The following TAF3 variants were observed in gnomAD, a reference collection of about 807,000 sequenced individuals.
TAF3 encodes the protein TATA-box binding protein associated factor 3, also known as transcription initiation factor TFIID subunit 3.
TAF3 carries 7 observed loss-of-function variants against 80.6 expected under a neutral mutation model. That is an observed-to-expected ratio of 0.09 (90% confidence interval 0.05 to 0.16). The LOEUF (loss-of-function observed/expected upper bound fraction) is 0.16, where lower values mean the gene tolerates loss of function less well. TAF3 is among the 10% of genes least tolerant of loss of function. TAF3 has a pLI of 1.00. For synonymous variants in TAF3, 444 were observed against 446.1 expected (o/e 1.00, Z 0.06); for missense variants, 921 against 1,140.2 (o/e 0.81, Z 2.77).
chr10:7,932,172 GA>G (rs1837874738), intron 2 of TAF3, among the ~76,000 whole-genome samples: 1 of 152,108 alleles, frequency 6.6e-6, no homozygotes, highest in African/African-American at 2.4e-5. Context: ...AAAAGGAGGT[GA>G]ACATGCTACC....
chr10:7,877,939 G>C (rs754596841), intron 2 of TAF3, among the ~76,000 whole-genome samples: 1 of 152,130 alleles, frequency 6.6e-6, no homozygotes, highest in Non-Finnish European at 1.5e-5. Flanking sequence ...AAATACATTG[G>C]AGCTAATGTT....
intron 2 of TAF3, among the ~76,000 whole-genome samples, chr10:7,847,299 AT>A (rs1202554986): frequency 6.6e-6 from 1 of 152,238 alleles, no homozygotes; most frequent in Non-Finnish European, 1.5e-5. Context: ...ATGGTCTCTC[AT>A]CTAGTCATTC....
chr10:7,943,127 G>C (rs1303024860), intron 2 of TAF3, among the ~76,000 whole-genome samples: 1 of 152,174 alleles, frequency 6.6e-6, no homozygotes, highest in African/African-American at 2.4e-5. Context: ...CAATCCTGTG[G>C]TTCCGGTTCC....
At position 7,856,126 on chromosome 10, in the gene TAF3, A is replaced by T. The variant is rs987855005; in HGVS notation, c.409+31566A>T. Among the ~76,000 whole-genome samples the T allele has an allele frequency of 2.6e-5, 4 of 152,096 alleles. No individual in the cohort carries two copies. In the East Asian group the frequency reaches 5.8e-4, roughly 22 times the overall value. On this transcript the variant is annotated intron_variant, in intron 2 of 6. Transcript: ENST00000344293. ...GAAATGGGAAATCATGGCAGCAGAA[A>T]TTTTTTTAAAATGCAGTCGAGAACT...
intron 2 of TAF3, among the ~76,000 whole-genome samples, chr10:7,924,030 T>C (rs1365582062): frequency 6.6e-6 from 1 of 152,186 alleles, no homozygotes; most frequent in Non-Finnish European, 1.5e-5. Flanking sequence ...GTTGACAGTA[T>C]TTAGGCCATC....
chr10:7,955,742 CCTT>C (rs112064731), intron 2 of TAF3, among the ~76,000 whole-genome samples: 2 of 152,228 alleles, frequency 1.3e-5, no homozygotes, highest in African/African-American at 4.8e-5. Context: ...GTGTGTCAGA[CCTT>C]ATTGCCTTGT....
chr10:7,968,974 C>T (rs1831597825), intron 3 of TAF3, among the ~76,000 whole-genome samples: 1 of 152,150 alleles, frequency 6.6e-6, no homozygotes, highest in African/African-American at 2.4e-5. Context: ...GGACTCTAGA[C>T]TGTCACTTAT....
At chr10:7,979,738 A>G (rs1831707987) in intron 4 of TAF3, among the ~76,000 whole-genome samples, 1 of 152,046 alleles carries the variant, frequency 6.6e-6, no homozygotes, top group African/African-American at 2.4e-5. Flanking sequence ...ATAGAGCGAG[A>G]AAGAAAGAGG....
At chr10:7,856,924 G>A (rs1837086552) in intron 2 of TAF3, among the ~76,000 whole-genome samples, 1 of 146,780 alleles carries the variant, frequency 6.8e-6, no homozygotes, top group Admixed American at 6.8e-5. Flanking sequence ...ACATAAAAAT[G>A]TGTAGTAAAA....
intron 2 of TAF3, among the ~76,000 whole-genome samples, chr10:7,923,854 G>A (rs567898870): frequency 6.6e-6 from 1 of 152,254 alleles, no homozygotes; most frequent in African/African-American, 2.4e-5. Flanking sequence ...AGCAAGGCAA[G>A]ATATCTTAAG....
intron 2 of TAF3, among the ~76,000 whole-genome samples, chr10:7,890,157 C>T (rs1039986549): frequency 6.6e-6 from 1 of 152,176 alleles, no homozygotes; most frequent in Non-Finnish European, 1.5e-5. Context: ...TCTTTTTCAC[C>T]AGACTGCAGC....
At chr10:7,953,839 C>T (rs546114974) in intron 2 of TAF3, among the ~76,000 whole-genome samples, 69 of 151,160 alleles carry the variant, frequency 4.6e-4, no homozygotes, top group African/African-American at 1.6e-3. Flanking sequence ...CAAGAGTGCA[C>T]GCCATAGGCA....
intron 3 of TAF3, among the ~76,000 whole-genome samples, chr10:7,976,123 G>T: frequency 6.6e-6 from 1 of 152,160 alleles, no homozygotes; most frequent in East Asian, 1.9e-4. Context: ...ATCAGACTTA[G>T]TTTCTGTGTT....
At chr10:7,866,175 G>A (rs1837212916) in intron 2 of TAF3, among the ~76,000 whole-genome samples, 1 of 152,176 alleles carries the variant, frequency 6.6e-6, no homozygotes, top group South Asian at 2.1e-4. Context: ...TTTATCATTA[G>A]CAAATGGAAT....
At chr10:7,898,545 CAAAAAA>C (rs35137273) in intron 2 of TAF3, among the ~76,000 whole-genome samples, 4 of 96,188 alleles carry the variant, frequency 4.2e-5, no homozygotes, top group South Asian at 3.4e-4. Context: ...GACTCTGTCT[CAAAAAA>C]AAAAAAAAAA....
At position 8,016,580 on chromosome 10, in the gene TAF3, GA is replaced by G. The variant is rs1299408525; in HGVS notation, c.*1830del. ...AAAATGCGCGTTAGTGGTTTTTGGA[GA>G]GGGGTGAGGGGTGGGGGAAGTGCAA... is the stretch of plus-strand genomic sequence containing the variant. On this transcript the variant is annotated 3_prime_UTR_variant, in exon 7 of 7. Transcript: ENST00000344293. 1 of 152,084 alleles carries G rather than the reference GA, an allele frequency of 6.6e-6. No individual in the cohort carries two copies. The highest frequency in any genetic ancestry group is 1.5e-5 in the Non-Finnish European group (1 of 68,018). The allele number at this position is 152,084 out of a possible 1,614,324, so 9.4% of individuals were successfully genotyped here.
At chr10:7,988,919 T>C (rs1281243687) in intron 4 of TAF3, among the ~76,000 whole-genome samples, 1 of 152,158 alleles carries the variant, frequency 6.6e-6, no homozygotes, top group Non-Finnish European at 1.5e-5. Flanking sequence ...AAGTTTATTT[T>C]TATATAAATA....
At chr10:7,852,796 C>T (rs1352882906) in intron 2 of TAF3, among the ~76,000 whole-genome samples, 1 of 152,172 alleles carries the variant, frequency 6.6e-6, no homozygotes, top group Non-Finnish European at 1.5e-5. Flanking sequence ...TAAAGAGAAA[C>T]TTCCTATCAT....
rs1431002241 is a variant in TAF3, at chr10:8,014,954, G to A, written c.*203G>A. 4.4e-5 allele frequency: 20 copies of A among 451,490 alleles called. No individual in the cohort carries two copies. The highest frequency in any genetic ancestry group is 1.6e-4 in the Admixed American group (4 of 25,718). The allele number at this position is 451,490 out of a possible 1,614,324, so 28.0% of individuals were successfully genotyped here. ...TTGGCCTGTGGCTCCGTGGCAGTGC[G>A]ACAGAAGGAAACTCAAGCAGAGGCG... On this transcript the variant is annotated 3_prime_UTR_variant, in exon 7 of 7. Transcript: ENST00000344293.
Sources: allele counts gnomAD v4.1 joint callset (sites outside exome capture counted in the v4.1 genomes callset), GRCh38; gene constraint gnomAD v4.1.1; transcripts MANE v1.5; gene names NCBI Gene and HGNC (gene_info 2026-07-23, HGNC 2026-07-21).